Variants in RYR3 observed in about 807,000 individuals in gnomAD.
RYR3 encodes ryanodine receptor 3.
A neutral mutation model predicts 584.3 loss-of-function variants in RYR3; 207 were observed. The ratio of observed to expected loss-of-function variants is 0.35; its 90% confidence interval spans 0.32 to 0.40. The LOEUF (loss-of-function observed/expected upper bound fraction) is 0.40, where lower values mean the gene tolerates loss of function less well. RYR3 is among the 10% of genes least tolerant of loss of function. The pLI, the probability that RYR3 is intolerant of heterozygous loss-of-function variation, is 1.00. For synonymous variants in RYR3, 2,416 were observed against 2,248.5 expected (o/e 1.07, Z -2.11); for missense variants, 5,616 against 6,089.2 (o/e 0.92, Z 2.59).
chr15:33,424,754 G>GTCTTATTTATCTTATTTATCATA (rs1456647317), intron 1 of RYR3, among the ~76,000 whole-genome samples: 2 of 152,006 alleles, frequency 1.3e-5, no homozygotes, highest in East Asian at 3.9e-4. Context: ...ACTCTTCTGT[G>GTCTTATTTATCTTATTTATCATA]TCTTATTTAT....
chr15:33,444,854 A>G (rs1046180187), intron 1 of RYR3, among the ~76,000 whole-genome samples: 2 of 152,024 alleles, frequency 1.3e-5, no homozygotes, highest in African/African-American at 4.8e-5. Context: ...ATGTATACAT[A>G]TGTAACTAAC....
intron 36 of RYR3, among the ~76,000 whole-genome samples, chr15:33,666,159 C>G (rs185730276): frequency 1.3e-5 from 2 of 152,140 alleles, no homozygotes; most frequent in Non-Finnish European, 2.9e-5. Context: ...CATGCACCAC[C>G]ATGACCAACT....
In RYR3 at chr15:33,724,078, G is replaced by C. The variant is rs771479235; in HGVS notation, c.6814G>C (p.Asp2272His). ...GYKREVSTGD[D>H]EEEEEIVHMG... ...TGGTTCTCTCAGCAGCACGGGGGAC[G>C]ATGAAGAGGAAGAAGAAATCGTGCA... Residue 2272 changes from aspartate (D) to histidine (H), a missense_variant, in exon 45 of 104, where the codon GAT (aspartate) becomes CAT (histidine). Physicochemically the swap from Asp to His is moderately conservative, Grantham distance 81. Coordinates refer to ENST00000634891, the MANE Select transcript of RYR3 (RefSeq NM_001036.6). 1.9e-6 allele frequency: 3 copies of C among 1,607,662 alleles called. No homozygotes were observed. The African/African-American group carries it at 4.0e-5, about 21-fold the overall frequency.
chr15:33,587,741 G>A (rs1169470824), intron 16 of RYR3, among the ~76,000 whole-genome samples: 1 of 152,162 alleles, frequency 6.6e-6, no homozygotes, highest in Non-Finnish European at 1.5e-5. Flanking sequence ...TTTGGGTAAA[G>A]GTTTGTCATG....
In RYR3 at chr15:33,424,263, C is replaced by T. The variant is rs191124821; in HGVS notation, c.52-49156C>T. 2.0e-5 allele frequency among the ~76,000 whole-genome samples: 3 copies of T among 152,304 alleles called. No individual in the cohort carries two copies. The East Asian group carries it at 5.8e-4, about 29-fold the overall frequency. ...CTGTTTCTTTACCTATAAAAGAGGACAACATTGCCTACCCAACAGGGCTAT... is the reference window on the plus strand; with the variant it reads ...CTGTTTCTTTACCTATAAAAGAGGATAACATTGCCTACCCAACAGGGCTAT... On this transcript the variant is annotated intron_variant, in intron 1 of 103. Transcript: ENST00000634891.
In RYR3 at chr15:33,511,606, TA is replaced by T. The variant is rs34769143; in HGVS notation, c.279+7880del. Among the ~76,000 whole-genome samples the T allele has an allele frequency of 3.1e-3, 457 of 146,658 alleles. 2 individuals carry two copies. Among genetic ancestry groups the T allele is most frequent in the East Asian group, 6.7e-3 (33 of 4,946 alleles). On this transcript the variant is annotated intron_variant, in intron 3 of 103. Coordinates refer to ENST00000634891, the MANE Select transcript of RYR3 (RefSeq NM_001036.6). ...TTTCCATTCTTTGTGTCTCTGCAATTAAAAAAAAAAAACCACTAGTGCACCT... is the reference window on the plus strand; with the variant it reads ...TTTCCATTCTTTGTGTCTCTGCAATTAAAAAAAAAAACCACTAGTGCACCT...
intron 1 of RYR3, among the ~76,000 whole-genome samples, chr15:33,438,993 C>A (rs2045980985): frequency 6.6e-6 from 1 of 151,886 alleles, no homozygotes; most frequent in Non-Finnish European, 1.5e-5. Context: ...ATAAATGACC[C>A]AAGAGTCGAG....
chr15:33,410,364 T>C (rs555644526), intron 1 of RYR3, among the ~76,000 whole-genome samples: 1 of 152,342 alleles, frequency 6.6e-6, no homozygotes, highest in South Asian at 2.1e-4. Context: ...TGAATTGGAA[T>C]GAACAGGCAG....
chr15:33,813,392 C>T, intron 73 of RYR3, 75 bp from the exon 74 acceptor site: 1 of 1,297,980 alleles, frequency 7.7e-7, no homozygotes, highest in Non-Finnish European at 1.1e-6. Flanking sequence ...ATGAAGAAGT[C>T]TGGGCTACAG....
chr15:33,329,028 A>T (rs1039696774), intron 1 of RYR3, among the ~76,000 whole-genome samples: 4 of 152,168 alleles, frequency 2.6e-5, no homozygotes, highest in Non-Finnish European at 4.4e-5. Flanking sequence ...AGTTAAAGGA[A>T]ATTTATGGTT....
intron 12 of RYR3, among the ~76,000 whole-genome samples, chr15:33,573,600 G>A (rs2058146496): frequency 6.6e-6 from 1 of 152,174 alleles, no homozygotes; most frequent in African/African-American, 2.4e-5. Context: ...TTAGAAGAGA[G>A]ACAACAAATA....
At position 33,562,993 on chromosome 15, in the gene RYR3, G is replaced by A; in HGVS notation, c.1129G>A (p.Gly377Arg). 6.2e-7 allele frequency: 1 copy of A among 1,609,266 alleles called. No individual in the cohort carries two copies. The highest frequency in any genetic ancestry group is 8.5e-7 in the Non-Finnish European group (1 of 1,177,530). ...ACAAGACGCCAAAACTTCCCGCCTG[G>A]GACCTCTAAAAAGAAAGGTGAGAGT... ...KAQDAKTSRLGPLKRKVILHQ... is the reference protein window; with the variant it reads ...KAQDAKTSRLRPLKRKVILHQ... Residue 377 changes from glycine (G) to arginine (R), a missense_variant, in exon 11 of 104, where the codon GGA becomes AGA. Gly to Arg is a moderately radical substitution (Grantham distance 125). This residue lies in a region of RYR3 where 1,284 missense variants were observed against 1,344.6 expected (regional missense o/e 0.95). Transcript: ENST00000634891.
Position 33,820,788 on chromosome 15 carries a change from T to A in RYR3, c.10791T>A (p.Asp3597Glu), listed in dbSNP as rs1395942024. The change falls in exon 78 of 104, where the codon GAT becomes GAA. Residue 3597 changes from aspartate to glutamate, a missense_variant. By Grantham distance (45) the Asp-to-Glu change is conservative. This residue lies in a region of RYR3 where 954 missense variants were observed against 1,132.2 expected (regional missense o/e 0.84). Transcript: ENST00000634891. ...AAAGTGGTGAGGATGAAGAAGAAGA[T>A]GAAGACAAGGAAAAAACATTCGAAG... ...SCQSGEDEEE[D>E]EDKEKTFEEK... 3.1e-6 allele frequency: 5 copies of A among 1,604,034 alleles called. No homozygotes were observed. The highest frequency in any genetic ancestry group is 3.4e-6 in the Non-Finnish European group (4 of 1,175,252).
rs992577438 is a variant in RYR3, at chr15:33,512,095, C to G, written c.279+8357C>G. Among the ~76,000 whole-genome samples the G allele has an allele frequency of 6.6e-5, 10 of 152,244 alleles. 1 individual carries two copies. Among genetic ancestry groups the G allele is most frequent in the Admixed American group, 5.2e-4 (8 of 15,292 alleles). On this transcript the variant is annotated intron_variant, in intron 3 of 103. Transcript: ENST00000634891. ...GCCCGGCTGCAAGTTGTTTTTAAAG[C>G]CTCTCTTGTTTGCTCTGAATATGGT...
At chr15:33,817,492 G>A (rs967080205) in intron 75 of RYR3, among the ~76,000 whole-genome samples, 14 of 152,146 alleles carry the variant, frequency 9.2e-5, no homozygotes, top group African/African-American at 3.1e-4. Context: ...GGTTCAGAGA[G>A]AAAATAAACC....
chr15:33,532,422 C>A (rs2054962228), intron 4 of RYR3, among the ~76,000 whole-genome samples: 1 of 152,118 alleles, frequency 6.6e-6, no homozygotes, highest in Non-Finnish European at 1.5e-5. Context: ...CCATGTCCCT[C>A]CACACTATCC....
Position 33,631,288 on chromosome 15 carries a change from C to G in RYR3, c.2862C>G (p.Pro954=). 1 of 1,574,098 alleles carries G rather than the reference C, an allele frequency of 6.4e-7. No homozygotes were observed. The highest frequency in any genetic ancestry group is 1.2e-5 in the South Asian group (1 of 85,396). ...AGGATCTCAAGAAGGTCAAACTGCC[C>G]AAAAAGTAGGTGATTTTTTTTTTAA... ...AEEDLKKVKL[P]KNYMMSNGYK... The change falls in exon 23 of 104, where the codon CCC becomes CCG. Residue 954 remains proline (P), a synonymous_variant. Transcript: ENST00000634891.
chr15:33,511,117 C>T (rs2052945773), intron 3 of RYR3, among the ~76,000 whole-genome samples: 1 of 151,690 alleles, frequency 6.6e-6, no homozygotes, highest in Admixed American at 6.6e-5. Context: ...GACCATTTTT[C>T]TTGGGTGGAT....
At chr15:33,645,854 C>T (rs1476155632) in intron 28 of RYR3, among the ~76,000 whole-genome samples, 2 of 151,674 alleles carry the variant, frequency 1.3e-5, no homozygotes, top group African/African-American at 4.8e-5. Context: ...GCCTTCAGGC[C>T]ATGACTGTGG....
Sources: allele counts gnomAD v4.1 joint callset (sites outside exome capture counted in the v4.1 genomes callset), GRCh38; gene constraint gnomAD v4.1.1; regional missense constraint gnomAD v4.1.1; transcripts MANE v1.5; gene names NCBI Gene and HGNC (gene_info 2026-07-23, HGNC 2026-07-21).